FSTL4: variants seen among roughly 807,000 people sequenced by gnomAD.
FSTL4 encodes follistatin like 4, also known as follistatin-related protein 4.
In FSTL4, 28 loss-of-function variants were observed where a neutral mutation model predicts 78.2. That is an observed-to-expected ratio of 0.36 (90% CI 0.27 to 0.49). The LOEUF is 0.49. Among genes scored for constraint, FSTL4 ranks in the 20% least tolerant of loss-of-function variants. The probability of loss-of-function intolerance (pLI) is 0.98; values close to 1 mark genes in which losing one functional copy is unlikely to be tolerated. For synonymous variants in FSTL4, 422 were observed against 440.5 expected, an observed-to-expected ratio of 0.96 and a Z score of 0.53; for missense variants, 922 against 1,084.9, an observed-to-expected ratio of 0.85 and a Z score of 2.11.
chr5:133,461,059 C>T (rs973784824), intron 3 of FSTL4, among the ~76,000 whole-genome samples: 19 of 152,320 alleles, frequency 1.2e-4, no homozygotes, highest in African/African-American at 4.6e-4. Flanking sequence ...CAGGAGAATA[C>T]TCCTGTGGAA....
At chr5:133,482,402 A>T (rs1462919476) in intron 3 of FSTL4, among the ~76,000 whole-genome samples, 1 of 152,244 alleles carries the variant, frequency 6.6e-6, no homozygotes, top group African/African-American at 2.4e-5. Context: ...CTCCCATGAA[A>T]CATAACTGGC....
the FSTL4 span, among the ~76,000 whole-genome samples, chr5:133,672,988 G>A: frequency 3.3e-5 from 5 of 152,174 alleles, no homozygotes; most frequent in South Asian, 2.1e-4. Context: ...ACACTGGTTC[G>A]GTCTGGAAAG....
At chr5:133,726,348 A>G in the FSTL4 span, among the ~76,000 whole-genome samples, 8 of 152,212 alleles carry the variant, frequency 5.3e-5, no homozygotes. Flanking sequence ...CTCTGAGCAC[A>G]ACATGCCCCA....
chr5:133,261,040 C>T (rs1752508490), intron 6 of FSTL4, among the ~76,000 whole-genome samples: 1 of 152,158 alleles, frequency 6.6e-6, no homozygotes, highest in Non-Finnish European at 1.5e-5. Context: ...GGATTCTAGG[C>T]AGGAGACTAA....
chr5:133,379,682 C>T (rs1266865236), intron 4 of FSTL4, among the ~76,000 whole-genome samples: 2 of 152,102 alleles, frequency 1.3e-5, no homozygotes, highest in Non-Finnish European at 2.9e-5. Context: ...AGAGAAAATA[C>T]ACTTTGATAT....
chr5:133,287,893 C>G (rs1484479692), intron 6 of FSTL4, among the ~76,000 whole-genome samples: 3 of 152,208 alleles, frequency 2.0e-5, no homozygotes, highest in African/African-American at 7.2e-5. Flanking sequence ...ATGACTGCCA[C>G]ATCACAAGCA....
chr5:133,518,087 T>C (rs550575376), intron 3 of FSTL4, among the ~76,000 whole-genome samples: 12 of 152,296 alleles, frequency 7.9e-5, no homozygotes, highest in African/African-American at 1.4e-4. Flanking sequence ...CCATGCCAAA[T>C]TGGAAAGCAC....
chr5:133,221,917 T>TGTTTGTTTG (rs1381516175), intron 11 of FSTL4, among the ~76,000 whole-genome samples: 3 of 124,968 alleles, frequency 2.4e-5, no homozygotes, highest in African/African-American at 8.0e-5. Context: ...TTTTTTTTTT[T>TGTTTGTTTG]TTTTTTTTTT....
At chr5:133,733,046 A>G in the FSTL4 span, among the ~76,000 whole-genome samples, 3 of 152,226 alleles carry the variant, frequency 2.0e-5, no homozygotes, top group Non-Finnish European at 4.4e-5. Flanking sequence ...GCTTCAGCCC[A>G]TGGGAGTTTC....
the FSTL4 span, among the ~76,000 whole-genome samples, chr5:133,696,316 T>C: frequency 3.3e-5 from 5 of 152,352 alleles, no homozygotes; most frequent in East Asian, 9.6e-4. Flanking sequence ...GCTCTGAGCT[T>C]TGCCTCAATA....
intron 4 of FSTL4, among the ~76,000 whole-genome samples, chr5:133,383,824 T>C (rs1383944560): frequency 6.6e-6 from 1 of 152,154 alleles, no homozygotes; most frequent in Non-Finnish European, 1.5e-5. Flanking sequence ...CAGACAAAAG[T>C]ATCCTTAGAA....
chr5:133,344,082 A>C (rs1353271059), intron 4 of FSTL4, among the ~76,000 whole-genome samples: 2 of 152,254 alleles, frequency 1.3e-5, no homozygotes. Context: ...TAAAAGGCAC[A>C]GAACAGAAAA....
intron 4 of FSTL4, among the ~76,000 whole-genome samples, chr5:133,336,163 G>A (rs1754458468): frequency 6.6e-6 from 1 of 152,228 alleles, no homozygotes; most frequent in Admixed American, 6.5e-5. Flanking sequence ...ATCATTTTGA[G>A]GCCCTGGAAC....
intron 4 of FSTL4, among the ~76,000 whole-genome samples, chr5:133,330,904 A>C (rs1754330093): frequency 6.6e-6 from 1 of 152,186 alleles, no homozygotes; most frequent in African/African-American, 2.4e-5. Flanking sequence ...CTGTGTGTGC[A>C]TATGTGCTGA....
the FSTL4 span, among the ~76,000 whole-genome samples, chr5:133,712,300 T>C: frequency 1.3e-5 from 2 of 152,190 alleles, no homozygotes; most frequent in East Asian, 1.9e-4. Context: ...AGGACTGATA[T>C]GGCAATTGTG....
intron 3 of FSTL4, among the ~76,000 whole-genome samples, chr5:133,534,923 A>C (rs893788853): frequency 6.6e-6 from 1 of 152,198 alleles, no homozygotes; most frequent in African/African-American, 2.4e-5. Context: ...GAAAAGAAGG[A>C]AAAAGGGGTG....
the FSTL4 span, among the ~76,000 whole-genome samples, chr5:133,768,795 A>T: frequency 6.6e-6 from 1 of 152,224 alleles, no homozygotes; most frequent in Non-Finnish European, 1.5e-5. Context: ...AAAAAGGAAG[A>T]AGAATAAAGC....
rs148397310 is a variant in FSTL4, at chr5:133,291,835, G to A, written c.727+20819C>T. 3.9e-5 allele frequency among the ~76,000 whole-genome samples: 6 copies of A among 152,302 alleles called. No homozygotes were observed. The East Asian group carries it at 5.8e-4, about 15-fold the overall frequency. ...TCAGGATGAAGGCCATGGAGTTGAT[G>A]AGAAGAGCCAGCCTTTCTGAAGATG... On this transcript the variant is annotated intron_variant, in intron 6 of 15. Coordinates refer to ENST00000265342, the MANE Select transcript of FSTL4 (RefSeq NM_015082.2).
upstream of FSTL4, among the ~76,000 whole-genome samples, chr5:133,613,242 G>A (rs1390755386): frequency 1.3e-5 from 2 of 152,182 alleles, no homozygotes; most frequent in Non-Finnish European, 2.9e-5. Flanking sequence ...GAATGAACTG[G>A]AAACACCTTT....
Sources: allele counts gnomAD v4.1 joint callset (sites outside exome capture counted in the v4.1 genomes callset), GRCh38; gene constraint gnomAD v4.1.1; transcripts MANE v1.5; gene names NCBI Gene and HGNC (gene_info 2026-07-23, HGNC 2026-07-21).